Variants in ASAP3 observed in about 807,000 individuals in gnomAD.
ASAP3 encodes the protein ArfGAP with SH3 domain, ankyrin repeat and PH domain 3.
ASAP3 carries 85 observed loss-of-function variants against 118.2 expected under a neutral mutation model. The observed-to-expected ratio is 0.72, with a 90% confidence interval of 0.60 to 0.86. The LOEUF (loss-of-function observed/expected upper bound fraction) is 0.86. ASAP3 is among the 40% of genes least tolerant of loss of function. The pLI is 0.00. For missense variants in ASAP3, 1,026 were observed against 1,175.0 expected (o/e 0.87, Z 1.85); for synonymous variants, 432 against 477.4 (o/e 0.90, Z 1.24).
chr1:23,451,615 C>T, intron 4 of ASAP3, 87 bp from the exon 5 acceptor site: 1 of 1,419,220 alleles, frequency 7.0e-7, no homozygotes, highest in Non-Finnish European at 9.9e-7. Context: ...GGAGGACCTG[C>T]TAGTGTGCTC....
intron 2 of ASAP3, 42 bp downstream of exon 2, chr1:23,456,080 G>C (rs1484413827): frequency 3.1e-6 from 5 of 1,613,916 alleles, no homozygotes; most frequent in Non-Finnish European, 4.2e-6. Flanking sequence ...GGCTGGGAGA[G>C]GGGCTTCCTG....
At chr1:23,481,887 T>TGGCA (rs1642319041) in intron 1 of ASAP3, among the ~76,000 whole-genome samples, 1 of 152,212 alleles carries the variant, frequency 6.6e-6, no homozygotes, top group Non-Finnish European at 1.5e-5. Flanking sequence ...AGAATGTGGA[T>TGGCA]GGCACTGAGC....
chr1:23,479,108 C>T (rs1036290976), intron 1 of ASAP3, among the ~76,000 whole-genome samples: 8 of 152,248 alleles, frequency 5.3e-5, no homozygotes, highest in South Asian at 2.1e-4. Flanking sequence ...GAAACTGGGC[C>T]GGGCTGTCAA....
upstream of ASAP3, chr1:23,484,341 A>AGGTCCAGGCTCCGGCCCC: frequency 2.4e-6 from 1 of 419,960 alleles, no homozygotes; most frequent in Non-Finnish European, 3.6e-6. Flanking sequence ...TCCACCGCCA[A>AGGTCCAGGCTCCGGCCCC]GGTCCAGGCT....
chr1:23,447,314 A>G (rs550114432), intron 5 of ASAP3, among the ~76,000 whole-genome samples: 95 of 152,328 alleles, frequency 6.2e-4, no homozygotes, highest in Non-Finnish European at 1.2e-3. Flanking sequence ...ATGGCCCCAG[A>G]GTGCAAGAGT....
intron 1 of ASAP3, among the ~76,000 whole-genome samples, chr1:23,470,773 C>A (rs1365525137): frequency 2.0e-5 from 3 of 152,236 alleles, no homozygotes; most frequent in African/African-American, 7.2e-5. Flanking sequence ...CTCAGCCTTA[C>A]CGGCTGTCCC....
intron 1 of ASAP3, among the ~76,000 whole-genome samples, chr1:23,464,802 C>G (rs1443157788): frequency 6.6e-6 from 1 of 151,086 alleles, no homozygotes; most frequent in African/African-American, 2.4e-5. Context: ...GTTAGAAAAG[C>G]AAATTCTCCA....
intron 1 of ASAP3, among the ~76,000 whole-genome samples, chr1:23,458,574 T>C (rs746341467): frequency 2.0e-5 from 3 of 151,964 alleles, no homozygotes; most frequent in Admixed American, 2.0e-4. Context: ...CACTCCAGCA[T>C]GGGTGACAGA....
chr1:23,437,006 A>G lies in ASAP3; in HGVS notation c.1381T>C (p.Cys461Arg), dbSNP rs926573438. 9 of 1,612,216 alleles carry G rather than the reference A, an allele frequency of 5.6e-6. 1 individual carries two copies. The South Asian group carries it at 9.9e-5, about 18-fold the overall frequency. The change falls in exon 15 of 25, where the codon TGC becomes CGC. Residue 461 changes from cysteine (C) to arginine (R), a missense_variant. Transcript: ENST00000336689. This position sits in a 1 kb window ranked among gnomAD's most constrained non-coding sequence, Gnocchi z 6.1. The part of the protein sequence containing the change: ...WLSTNLGVLT[C>R]IQCSGVHREL... ...CGGTGGACGCCCGAGCACTGGATGC[A>G]GGTGAGCACGCCCAGGTTGGTGCTG...
intron 5 of ASAP3, among the ~76,000 whole-genome samples, chr1:23,447,332 CT>C (rs755875148): frequency 6.6e-6 from 1 of 152,188 alleles, no homozygotes; most frequent in Non-Finnish European, 1.5e-5. Context: ...AGTAGTGATG[CT>C]ACTATGTTCT....
intron 1 of ASAP3, among the ~76,000 whole-genome samples, chr1:23,458,001 T>C (rs982641347): frequency 4.6e-5 from 7 of 152,332 alleles, no homozygotes; most frequent in African/African-American, 1.7e-4. Flanking sequence ...CAGCTGCTGC[T>C]GATGCTAGGA....
In ASAP3 at chr1:23,438,658, C is replaced by T. The variant is rs1233089006; in HGVS notation, c.1102+89G>A. On this transcript the variant is annotated intron_variant, in intron 12 of 24. Transcript: ENST00000336689. This position sits in a 1 kb window ranked among gnomAD's most constrained non-coding sequence, Gnocchi z 4.9. ...CACCATGTGTGGAACTGGACACAGA[C>T]CCCTCACTGAAGCCCCCCGGGAGCT... 6 of 1,146,370 alleles carry T rather than the reference C, an allele frequency of 5.2e-6. No homozygotes were observed. Among genetic ancestry groups the T allele is most frequent in the Non-Finnish European group, 7.8e-6 (6 of 772,262 alleles). The allele number at this position is 1,146,370 out of a possible 1,614,324, so 71.0% of individuals were successfully genotyped here. A position where few individuals can be genotyped will look rare whatever the true frequency, so the allele number is the denominator to read the frequency against.
intron 5 of ASAP3, among the ~76,000 whole-genome samples, chr1:23,443,488 T>G (rs1212662975): frequency 1.3e-5 from 2 of 152,230 alleles, no homozygotes; most frequent in East Asian, 3.8e-4. Flanking sequence ...TATTTCAAAG[T>G]GCTTTCATTC....
chr1:23,456,282 C>A lies in ASAP3; in HGVS notation c.130-88G>T, dbSNP rs12567669. The A allele has an allele frequency of 5.9e-4, 731 of 1,233,064 alleles. 2 individuals carry two copies. Among genetic ancestry groups the A allele is most frequent in the Non-Finnish European group, 7.7e-4 (665 of 865,050 alleles). The allele number at this position is 1,233,064 out of a possible 1,614,324, so 76.4% of individuals were successfully genotyped here. A position where few individuals can be genotyped will look rare whatever the true frequency, so the allele number is the denominator to read the frequency against. ...AACGCTGTATCTATGATTTCCACCC[C>A]CCAACCGCCCTCCAAACAAATACAT... On this transcript the variant is annotated intron_variant, in intron 1 of 24. Transcript: ENST00000336689.
At chr1:23,450,020 G>C (rs543640098) in intron 5 of ASAP3, among the ~76,000 whole-genome samples, 48 of 152,344 alleles carry the variant, frequency 3.2e-4, no homozygotes, top group Non-Finnish European at 7.3e-5. Flanking sequence ...CCTCCAGTGA[G>C]AGCAGATGGC....
intron 2 of ASAP3, 39 bp downstream of exon 2, chr1:23,456,083 G>T: frequency 6.2e-7 from 1 of 1,613,980 alleles, no homozygotes; most frequent in Non-Finnish European, 8.5e-7. Flanking sequence ...TGGGAGAGGG[G>T]CTTCCTGACC....
intron 1 of ASAP3, among the ~76,000 whole-genome samples, chr1:23,482,951 CAA>C (rs142019878): frequency 1.5e-5 from 2 of 133,006 alleles, no homozygotes; most frequent in Admixed American, 7.6e-5. Flanking sequence ...GACTCCGTCT[CAA>C]AAAAAAAAAA....
chr1:23,442,733 G>T, intron 5 of ASAP3, 121 bp from the exon 6 acceptor site: 3 of 1,418,952 alleles, frequency 2.1e-6, no homozygotes, highest in Non-Finnish European at 2.8e-6. Flanking sequence ...CAGCTGTGTG[G>T]TGGGGCTGGG....
chr1:23,434,069 G>A (rs375690838), intron 19 of ASAP3, among the ~76,000 whole-genome samples, 185 bp downstream of exon 19: 1 of 152,290 alleles, frequency 6.6e-6, no homozygotes, highest in Admixed American at 6.5e-5. Context: ...TAGCAGTCCT[G>A]CTAGGTCAGT....
Sources: gnomAD v4.1 joint callset for allele counts (sites outside exome capture counted in the v4.1 genomes callset) on GRCh38, gnomAD v4.1.1 for gene constraint, Gnocchi (gnomAD v3.1) non-coding constraint, MANE v1.5 for transcripts, NCBI Gene and HGNC (gene_info 2026-07-23, HGNC 2026-07-21) for gene names.